FAM111B: variants seen among roughly 807,000 people sequenced by gnomAD.
The protein encoded by FAM111B is FAM111 trypsin like peptidase B.
FAM111B carries 1 observed loss-of-function variant against 2.8 expected under a neutral mutation model. That is an observed-to-expected ratio of 0.36 (90% CI 0.13 to 1.70). The LOEUF (loss-of-function observed/expected upper bound fraction) is 1.70. Ranked by LOEUF, FAM111B falls within the 40% of genes most tolerant of loss-of-function variation. The pLI, the probability that FAM111B is intolerant of heterozygous loss-of-function variation, is 0.35. For missense variants in FAM111B, 882 were observed against 878.9 expected, an observed-to-expected ratio of 1.00 and a Z score of -0.04; for synonymous variants, 297 against 295.6, an observed-to-expected ratio of 1.00 and a Z score of -0.05.
In FAM111B at chr11:59,124,310, T is replaced by C. The variant is rs1170631734; in HGVS notation, c.213T>C (p.Asn71=). 1 of 1,613,792 alleles carries C rather than the reference T, an allele frequency of 6.2e-7. No homozygotes were observed. Among genetic ancestry groups the C allele is most frequent in the Middle Eastern group, 1.7e-4 (1 of 6,060 alleles). ...NKHETALEMQ[N]PNLNNKECCF... ...ATGAAACAGCCCTTGAAATGCAGAATCCAAATTTGAACAATAAAGAATGTT... is the reference window on the plus strand; with the variant it reads ...ATGAAACAGCCCTTGAAATGCAGAACCCAAATTTGAACAATAAAGAATGTT... Residue 71 remains asparagine (N), a synonymous_variant, in exon 4 of 4, where the codon AAT becomes AAC. Coordinates refer to ENST00000343597, the MANE Select transcript of FAM111B (RefSeq NM_198947.4).
Position 59,125,241 on chromosome 11 carries a change from A to G in FAM111B, c.1144A>G (p.Lys382Glu). 6.2e-7 allele frequency: 1 copy of G among 1,613,924 alleles called. No homozygotes were observed. The highest frequency in any genetic ancestry group is 8.5e-7 in the Non-Finnish European group (1 of 1,179,838). Residue 382 changes from lysine to glutamate, a missense_variant, in exon 4 of 4, where the codon AAG becomes GAG. Coordinates refer to ENST00000343597, the MANE Select transcript of FAM111B (RefSeq NM_198947.4). Reference sequence around the variant, plus strand: ...GTATGCTATTAATCTGGATGTCCAAAAGGAGGCAATTAATCTCTTAAAGAA... The same window carrying G: ...GTATGCTATTAATCTGGATGTCCAAGAGGAGGCAATTAATCTCTTAAAGAA... ...RRYAINLDVQKEAINLLKNYQ... is the reference protein window; with the variant it reads ...RRYAINLDVQEEAINLLKNYQ...
chr11:59,119,402 G>C (rs547928798), intron 3 of FAM111B, among the ~76,000 whole-genome samples: 1 of 152,334 alleles, frequency 6.6e-6, no homozygotes, highest in East Asian at 1.9e-4. Context: ...TTTCTCAGGT[G>C]TCACTGTCCT....
intron 3 of FAM111B, among the ~76,000 whole-genome samples, chr11:59,121,904 G>C (rs1859928468): frequency 6.6e-6 from 1 of 152,184 alleles, no homozygotes. Context: ...CAGCACTTTG[G>C]GAGGCCGAGG....
chr11:59,124,751 T>A lies in FAM111B; in HGVS notation c.654T>A (p.Gly218=). ...AACTTTGTATTTATGCCTTGAAGGG[T>A]GAGACTATTGAAGGAGCCTTATGCA... ...GSKLCIYALK[G]ETIEGALCKD... is the part of the protein sequence containing the mutation. Residue 218 remains glycine, a synonymous_variant, in exon 4 of 4, where the codon GGT becomes GGA. Coordinates refer to ENST00000343597, the MANE Select transcript of FAM111B (RefSeq NM_198947.4). 6.2e-7 allele frequency: 1 copy of A among 1,613,744 alleles called. No individual in the cohort carries two copies. Among genetic ancestry groups the A allele is most frequent in the Non-Finnish European group, 8.5e-7 (1 of 1,179,794 alleles).
At chr11:59,113,778 T>A (rs181562273) in intron 3 of FAM111B, among the ~76,000 whole-genome samples, 3 of 152,294 alleles carry the variant, frequency 2.0e-5, no homozygotes, top group Non-Finnish European at 2.9e-5. Flanking sequence ...GATGCAACAG[T>A]CTGCCCGGCA....
chr11:59,109,433 C>A (rs998167012), intron 2 of FAM111B, 107 bp from the exon 3 acceptor site: 2 of 468,918 alleles, frequency 4.3e-6, no homozygotes, highest in African/African-American at 2.0e-5. Flanking sequence ...ATAGGGCTTA[C>A]CTCATATGAT....
At position 59,124,967 on chromosome 11, in the gene FAM111B, T is replaced by C. The variant is rs760546563; in HGVS notation, c.870T>C (p.Thr290=). ...AAATTAAACAGAATGAAAGTGCCACTGATGAAATTAATCACCAGAGTCTGA... is the reference window on the plus strand; with the variant it reads ...AAATTAAACAGAATGAAAGTGCCACCGATGAAATTAATCACCAGAGTCTGA... The part of the protein sequence containing the change: ...HKKIKQNESA[T]DEINHQSLIQ... The change falls in exon 4 of 4, where the codon ACT becomes ACC. Residue 290 remains threonine (T), a synonymous_variant. Coordinates refer to ENST00000343597, the MANE Select transcript of FAM111B (RefSeq NM_198947.4). The C allele has an allele frequency of 1.2e-6, 2 of 1,609,372 alleles. No homozygotes were observed.
chr11:59,126,423 C>T lies in FAM111B; in HGVS notation c.*121C>T, dbSNP rs1483260054. 4 of 735,304 alleles carry T rather than the reference C, an allele frequency of 5.4e-6. No individual in the cohort carries two copies. Among genetic ancestry groups the T allele is most frequent in the Non-Finnish European group, 8.4e-6 (4 of 478,322 alleles). 45.5% of individuals were successfully genotyped at this position (735,304 alleles called of 1,614,324 possible). ...GGCAAATGAGACCTAATTAAATCTT[C>T]TGCACAGCAAAAGAAACTATCAACA... On this transcript the variant is annotated 3_prime_UTR_variant, in exon 4 of 4. Coordinates refer to ENST00000343597, the MANE Select transcript of FAM111B (RefSeq NM_198947.4).
chr11:59,109,770 T>C (rs1859730039), intron 3 of FAM111B, 64 bp downstream of exon 3: 3 of 1,040,224 alleles, frequency 2.9e-6, no homozygotes, highest in Non-Finnish European at 4.3e-6. Context: ...CATATGAGGA[T>C]CTTGGAGATA....
intron 3 of FAM111B, among the ~76,000 whole-genome samples, chr11:59,114,812 G>T (rs1298981640): frequency 6.6e-6 from 1 of 152,184 alleles, no homozygotes; most frequent in Admixed American, 6.5e-5. Context: ...GTGTGTTTGT[G>T]TGTGTGCATG....
chr11:59,126,004 C>T lies in FAM111B; in HGVS notation c.1907C>T (p.Thr636Ile). ...QRSFLSEVWN[T>I]HTLSYDTCFS... ...AGTTTCCTATCAGAGGTTTGGAACA[C>T]ACACACGCTTAGTTATGATACTTGT... is the stretch of plus-strand genomic sequence containing the variant. The change falls in exon 4 of 4, where the codon ACA becomes ATA. Residue 636 changes from threonine to isoleucine, a missense_variant. Coordinates refer to ENST00000343597, the MANE Select transcript of FAM111B (RefSeq NM_198947.4). 2 of 1,613,930 alleles carry T rather than the reference C, an allele frequency of 1.2e-6. No homozygotes were observed. The highest frequency in any genetic ancestry group is 1.1e-5 in the South Asian group (1 of 91,064).
rs765851722 is a variant in FAM111B at position 59,109,676 on chromosome 11, T to C, written c.51T>C (p.Asp17=). 4 of 1,612,684 alleles carry C rather than the reference T, an allele frequency of 2.5e-6. No homozygotes were observed. The highest frequency in any genetic ancestry group is 2.5e-6 in the Non-Finnish European group (3 of 1,179,310). The change falls in exon 3 of 4, where the codon GAT becomes GAC. Residue 17 remains aspartate, a synonymous_variant. Coordinates refer to ENST00000343597, the MANE Select transcript of FAM111B (RefSeq NM_198947.4). ...EENKSFSAME[D]DQRTRPEVSK... ...ACAAGTCATTTAGCGCTATGGAAGA[T>C]GACCAGAGGACTAGACCTGAAGTTT...
chr11:59,115,068 A>G (rs1169775156), intron 3 of FAM111B, among the ~76,000 whole-genome samples: 1 of 152,166 alleles, frequency 6.6e-6, no homozygotes, highest in Non-Finnish European at 1.5e-5. Flanking sequence ...TTGTTGACTC[A>G]CTAATCAGTA....
chr11:59,114,770 C>T (rs1442904763), intron 3 of FAM111B, among the ~76,000 whole-genome samples: 1 of 151,934 alleles, frequency 6.6e-6, no homozygotes, highest in Non-Finnish European at 1.5e-5. Flanking sequence ...TTGGAGCTGA[C>T]ACTGTAGAGG....
At chr11:59,113,067 C>G (rs78003660) in intron 3 of FAM111B, among the ~76,000 whole-genome samples, 3,250 of 152,218 alleles carry the variant, frequency 0.021, 127 homozygotes, top group African/African-American at 0.074. Context: ...AGAGAACTGT[C>G]CTAAATCTAA....
At position 59,124,904 on chromosome 11, in the gene FAM111B, A is replaced by G; in HGVS notation, c.807A>G (p.Ser269=). 7.5e-7 allele frequency: 1 copy of G among 1,340,568 alleles called. No individual in the cohort carries two copies. The highest frequency in any genetic ancestry group is 1.0e-6 in the Non-Finnish European group (1 of 988,508). The allele number at this position is 1,340,568 out of a possible 1,614,324, so 83.0% of individuals were successfully genotyped here. A position where few individuals can be genotyped will look rare whatever the true frequency, so the allele number is the denominator to read the frequency against. ...GAAAAGTCTTAGAAATGGACATTTCAAAAAAAAAAGCATTACAACAGAAAG... is the reference window on the plus strand; with the variant it reads ...GAAAAGTCTTAGAAATGGACATTTCGAAAAAAAAAGCATTACAACAGAAAG... ...VSGKVLEMDI[S]KKKALQQKDI... Residue 269 remains serine, a synonymous_variant, in exon 4 of 4, where the codon TCA becomes TCG. Coordinates refer to ENST00000343597, the MANE Select transcript of FAM111B (RefSeq NM_198947.4).
At chr11:59,119,298 C>T (rs892498458) in intron 3 of FAM111B, among the ~76,000 whole-genome samples, 6 of 152,216 alleles carry the variant, frequency 3.9e-5, no homozygotes, top group Admixed American at 2.6e-4. Context: ...TGCTACTGAG[C>T]GTTGCCTGGA....
chr11:59,119,031 C>T (rs918217877), intron 3 of FAM111B, among the ~76,000 whole-genome samples: 1 of 152,140 alleles, frequency 6.6e-6, no homozygotes, highest in Admixed American at 6.5e-5. Context: ...GTACTCAATG[C>T]CTCACGAATT....
At chr11:59,120,107 A>G (rs1859898517) in intron 3 of FAM111B, among the ~76,000 whole-genome samples, 1 of 152,228 alleles carries the variant, frequency 6.6e-6, no homozygotes, top group African/African-American at 2.4e-5. Flanking sequence ...AAATAAATGT[A>G]AAAATTATTT....
Sources: gnomAD v4.1 joint callset for allele counts (sites outside exome capture counted in the v4.1 genomes callset) on GRCh38, gnomAD v4.1.1 for gene constraint, MANE v1.5 for transcripts, NCBI Gene and HGNC (gene_info 2026-07-23, HGNC 2026-07-21) for gene names.